The following UTP4 variants were observed in gnomAD, a reference collection of about 807,000 sequenced individuals.
UTP4 encodes U3 small nucleolar RNA-associated protein 4 homolog.
Under a neutral mutation model 82.4 loss-of-function variants are expected in UTP4, and 45 were observed. That is an observed-to-expected ratio of 0.55 (90% CI 0.43 to 0.70). The LOEUF (loss-of-function observed/expected upper bound fraction) is 0.70, where lower values mean the gene tolerates loss of function less well. Ranked by LOEUF, UTP4 falls within the 30% of genes least tolerant of loss-of-function variation. UTP4 has a pLI of 0.00. For missense variants in UTP4, 819 were observed against 858.3 expected (o/e 0.95, Z 0.57); for synonymous variants, 348 against 300.3 (o/e 1.16, Z -1.64).
Position 69,136,680 on chromosome 16 carries a change from T to A in UTP4, c.160-16T>A. 6.2e-7 allele frequency: 1 copy of A among 1,613,768 alleles called. No homozygotes were observed. The highest frequency in any genetic ancestry group is 2.2e-5 in the East Asian group (1 of 44,886). ...TGAATTTGTGGTAATGTTGAGAAGT[T>A]ATGGTGTTTCTGCAGTTTTTCCCAG... On this transcript the variant is annotated splice_polypyrimidine_tract_variant and intron_variant, in intron 2 of 16. Transcript: ENST00000314423.
In UTP4 at chr16:69,136,952, C is replaced by T. The variant is rs1283172355; in HGVS notation, c.351+65C>T. On this transcript the variant is annotated intron_variant, in intron 3 of 16. Transcript: ENST00000314423. Reference sequence around the variant, plus strand: ...CTCGTGCCTGCTCAGACTTTCTTCCCTGTGCTCATAGGAGAGTAACGATAT... The same window carrying T: ...CTCGTGCCTGCTCAGACTTTCTTCCTTGTGCTCATAGGAGAGTAACGATAT... 1.1e-5 allele frequency: 15 copies of T among 1,363,968 alleles called. No homozygotes were observed. The East Asian group carries it at 1.6e-4, about 15-fold the overall frequency. 84.5% of individuals were successfully genotyped at this position (1,363,968 alleles called of 1,614,324 possible).
chr16:69,143,013 C>T lies in UTP4; in HGVS notation c.527-165C>T, dbSNP rs563148021. 3.9e-5 allele frequency among the ~76,000 whole-genome samples: 6 copies of T among 152,290 alleles called. No homozygotes were observed. In the East Asian group the frequency reaches 9.7e-4, roughly 25 times the overall value. ...AGCTCACCTACCATATCATGCTTACCGCAGGCGGGTTTGTTATGTTGTTTC... is the reference window on the plus strand; with the variant it reads ...AGCTCACCTACCATATCATGCTTACTGCAGGCGGGTTTGTTATGTTGTTTC... On this transcript the variant is annotated intron_variant, in intron 5 of 16. Transcript: ENST00000314423.
At chr16:69,143,070 C>A in intron 5 of UTP4, 108 bp from the exon 6 acceptor site, 1 of 1,136,306 alleles carries the variant, frequency 8.8e-7, no homozygotes, top group Non-Finnish European at 1.3e-6. Flanking sequence ...GTTGCCTAGG[C>A]TGGCCTTAAA....
At chr16:69,133,925 G>A (rs1357573934) in intron 2 of UTP4, among the ~76,000 whole-genome samples, 1 of 152,174 alleles carries the variant, frequency 6.6e-6, no homozygotes, top group Non-Finnish European at 1.5e-5. Context: ...CAACACCATT[G>A]CAGCTTTGGT....
intron 6 of UTP4, among the ~76,000 whole-genome samples, chr16:69,150,104 G>A (rs1476872943): frequency 6.6e-6 from 1 of 152,126 alleles, no homozygotes; most frequent in African/African-American, 2.4e-5. Flanking sequence ...AGGATTTTCA[G>A]TATTTTTATT....
chr16:69,133,347 G>T, intron 1 of UTP4, 111 bp from the exon 2 acceptor site: 1 of 990,290 alleles, frequency 1.0e-6, no homozygotes, highest in Non-Finnish European at 1.6e-6. Context: ...GAACTTCAGG[G>T]AGATGTTGTT....
In UTP4 at chr16:69,136,876, T is replaced by G. The variant is rs1163910140; in HGVS notation, c.340T>G (p.Ser114Ala). ...GAGCATGGCTGCCAGCCCCAGTGGCTCTCAACTTTTGGTTAGTAAGCAACT... is the reference window on the plus strand; with the variant it reads ...GAGCATGGCTGCCAGCCCCAGTGGCGCTCAACTTTTGGTTAGTAAGCAACT... ...IWSMAASPSGSQLLVGCEDGS... is the reference protein window; with the variant it reads ...IWSMAASPSGAQLLVGCEDGS... The change falls in exon 3 of 17, where the codon TCT becomes GCT. Residue 114 changes from serine to alanine, a missense_variant. Physicochemically the swap from Ser to Ala is moderately conservative, Grantham distance 99. Transcript: ENST00000314423. 4 of 1,614,138 alleles carry G rather than the reference T, an allele frequency of 2.5e-6. No homozygotes were observed. The highest frequency in any genetic ancestry group is 2.2e-5 in the South Asian group (2 of 91,082).
At chr16:69,146,735 G>C (rs943987109) in intron 6 of UTP4, among the ~76,000 whole-genome samples, 1 of 151,900 alleles carries the variant, frequency 6.6e-6, no homozygotes, top group African/African-American at 2.4e-5. Flanking sequence ...GGTGGCTCAC[G>C]CCTGTAATCC....
rs1242488345 is a variant in UTP4 at position 69,154,407 on chromosome 16, A to C, written c.1114A>C (p.Thr372Pro). 6.2e-7 allele frequency: 1 copy of C among 1,611,490 alleles called. No individual in the cohort carries two copies. Among genetic ancestry groups the C allele is most frequent in the East Asian group, 2.2e-5 (1 of 44,836 alleles). ...TCTTGTTTCAGGCAAGAATGGGGAT[A>C]CTCTTCCACTCTCTAAAAATGCAGA... ...STVATGKNGD[T>P]LPLSKNADHL... is the part of the protein sequence containing the mutation. The change falls in exon 10 of 17, where the codon ACT (threonine) becomes CCT (proline). Residue 372 changes from threonine (T) to proline (P), a missense_variant. Coordinates refer to ENST00000314423, the MANE Select transcript of UTP4 (RefSeq NM_032830.3).
chr16:69,167,270 G>A, intron 16 of UTP4, 85 bp downstream of exon 16: 2 of 905,222 alleles, frequency 2.2e-6, no homozygotes, highest in South Asian at 1.4e-5. Flanking sequence ...GAAGATAAGA[G>A]CACCTTCAGT....
intron 13 of UTP4, 73 bp downstream of exon 13, chr16:69,160,535 C>T: frequency 9.4e-7 from 1 of 1,067,114 alleles, no homozygotes; most frequent in Non-Finnish European, 1.5e-6. Context: ...TTACAAGATT[C>T]AAGGCAGATT....
chr16:69,133,667 G>T (rs1241716355), intron 2 of UTP4, 49 bp downstream of exon 2: 1 of 1,571,964 alleles, frequency 6.4e-7, no homozygotes, highest in South Asian at 1.1e-5. Flanking sequence ...AATTTCTTCT[G>T]AAGTTCAAGA....
At chr16:69,164,679 GAC>G (rs2152284268) in intron 14 of UTP4, among the ~76,000 whole-genome samples, 1 of 150,018 alleles carries the variant, frequency 6.7e-6, no homozygotes, top group East Asian at 1.9e-4. Context: ...TTTATACAGA[GAC>G]AGCTTTGTTT....
At chr16:69,146,699 A>G (rs1213516444) in intron 6 of UTP4, among the ~76,000 whole-genome samples, 2 of 152,064 alleles carry the variant, frequency 1.3e-5, no homozygotes, top group African/African-American at 2.4e-5. Flanking sequence ...TGTCTCTACT[A>G]AAAATACAAA....
At chr16:69,164,977 C>T (rs529869699) in intron 14 of UTP4, among the ~76,000 whole-genome samples, 3 of 152,166 alleles carry the variant, frequency 2.0e-5, no homozygotes, top group African/African-American at 4.8e-5. Flanking sequence ...GGGCAGATCA[C>T]GAGGTCAGGA....
Position 69,150,723 on chromosome 16 carries a change from T to TG in UTP4, c.910+17dup. On this transcript the variant is annotated intron_variant, in intron 7 of 16. Coordinates refer to ENST00000314423, the MANE Select transcript of UTP4 (RefSeq NM_032830.3). ...GATATCTGGAGGTGGGTTCCCCCTC[T>TG]GGTGAGGCTGCTGCTTTACCCTGCC... is the stretch of plus-strand genomic sequence containing the variant. The TG allele has an allele frequency of 6.2e-7, 1 of 1,614,182 alleles. No individual in the cohort carries two copies. Among genetic ancestry groups the TG allele is most frequent in the South Asian group, 1.1e-5 (1 of 91,078 alleles).
chr16:69,150,535 AG>A lies in UTP4; in HGVS notation c.739-1del, dbSNP rs1398131906. 6.2e-7 allele frequency: 1 copy of A among 1,614,116 alleles called. No individual in the cohort carries two copies. The highest frequency in any genetic ancestry group is 1.7e-5 in the Admixed American group (1 of 60,006). On this transcript the variant is annotated splice_acceptor_variant, in intron 6 of 16. Transcript: ENST00000314423. LOFTEE classifies it high-confidence loss of function. ...TACCTCCCTCATGATTTAATTCCTC[AG>A]CAAGAAGACAGTTTCGTGGTGGGCA...
At chr16:69,148,478 C>A (rs1202495573) in intron 6 of UTP4, among the ~76,000 whole-genome samples, 5 of 151,980 alleles carry the variant, frequency 3.3e-5, no homozygotes. Context: ...GTGATCCGCC[C>A]GCCTCAGCCT....
intron 6 of UTP4, among the ~76,000 whole-genome samples, chr16:69,148,972 A>C (rs1212264733): frequency 2.7e-5 from 4 of 150,778 alleles, no homozygotes; most frequent in Non-Finnish European, 5.9e-5. Context: ...TTTCTTGTTT[A>C]TTTCTTTCAT....
Sources: allele counts gnomAD v4.1 joint callset (sites outside exome capture counted in the v4.1 genomes callset), GRCh38; gene constraint gnomAD v4.1.1; transcripts MANE v1.5; gene names NCBI Gene and HGNC (gene_info 2026-07-23, HGNC 2026-07-21).